CELA2B: variants seen among roughly 807,000 people sequenced by gnomAD.
The protein encoded by CELA2B is chymotrypsin like elastase 2B.
CELA2B carries 27 observed loss-of-function variants against 36.5 expected under a neutral mutation model. The ratio of observed to expected loss-of-function variants is 0.74; its 90% confidence interval spans 0.55 to 1.02. The LOEUF is 1.02. Among genes scored for constraint, CELA2B ranks in the 50% least tolerant of loss-of-function variants. CELA2B has a pLI of 0.00. For missense variants in CELA2B, 340 were observed against 347.8 expected (o/e 0.98, Z 0.18); for synonymous variants, 143 against 148.5 (o/e 0.96, Z 0.27).
At chr1:15,479,113 T>C (rs1245939871) in intron 2 of CELA2B, among the ~76,000 whole-genome samples, 3 of 152,216 alleles carry the variant, frequency 2.0e-5, no homozygotes, top group Non-Finnish European at 4.4e-5. Context: ...TTTCAGCACA[T>C]TTTTAAATTG....
chr1:15,490,191 T>C (rs1167221969), intron 7 of CELA2B, among the ~76,000 whole-genome samples: 2 of 152,048 alleles, frequency 1.3e-5, no homozygotes, highest in Non-Finnish European at 2.9e-5. Context: ...GTTAAAAGCT[T>C]GGTGTGTGGT....
intron 1 of CELA2B, 63 bp downstream of exon 1, chr1:15,476,228 T>C (rs1708667897): frequency 1.2e-6 from 2 of 1,609,980 alleles, no homozygotes; most frequent in Non-Finnish European, 1.7e-6. Flanking sequence ...AATGGGATCT[T>C]CCTGTCCTCC....
chr1:15,484,273 C>G (rs1350597974), intron 5 of CELA2B, among the ~76,000 whole-genome samples: 1 of 152,088 alleles, frequency 6.6e-6, no homozygotes, highest in East Asian at 1.9e-4. Flanking sequence ...TTGACATAGA[C>G]TCCAAGGGTC....
intron 4 of CELA2B, among the ~76,000 whole-genome samples, chr1:15,482,951 C>T (rs1246224231): frequency 2.0e-5 from 3 of 151,792 alleles, no homozygotes; most frequent in African/African-American, 7.3e-5. Flanking sequence ...ACAGGCCCGG[C>T]TAATCTTTTG....
intron 5 of CELA2B, 105 bp downstream of exon 5, chr1:15,483,505 G>T: frequency 6.4e-7 from 1 of 1,553,146 alleles, no homozygotes; most frequent in Non-Finnish European, 8.7e-7. Context: ...GCATGTGGCT[G>T]CCTTGGAGAG....
intron 2 of CELA2B, among the ~76,000 whole-genome samples, chr1:15,479,388 TA>T (rs879418241): frequency 7.8e-4 from 118 of 151,264 alleles, no homozygotes; most frequent in Admixed American, 2.8e-3. Flanking sequence ...CTATTAAAAG[TA>T]AAAAAAATCA....
chr1:15,477,655 G>A lies in CELA2B; in HGVS notation c.129+1110G>A, dbSNP rs571397068. On this transcript the variant is annotated intron_variant, in intron 2 of 7. Coordinates refer to ENST00000375910, the MANE Select transcript of CELA2B (RefSeq NM_015849.3). ...GCAATCTGAGTTACGAGCCCATCCC[G>A]ACTTTTACGACTTTTCCCCCCAATC... is the stretch of plus-strand genomic sequence containing the variant. Among the ~76,000 whole-genome samples, 38 of 152,150 alleles carry A rather than the reference G, an allele frequency of 2.5e-4. 1 individual carries two copies. The South Asian group carries it at 5.6e-3, about 22-fold the overall frequency.
At chr1:15,482,468 T>G in intron 4 of CELA2B, 75 bp downstream of exon 4, 1 of 1,591,956 alleles carries the variant, frequency 6.3e-7, no homozygotes, top group Non-Finnish European at 8.6e-7. Context: ...GGCAAAGGTC[T>G]CAACCCCACC....
At position 15,476,487 on chromosome 1, in the gene CELA2B, C is replaced by CT; in HGVS notation, c.72dup (p.Asp25Ter). On this transcript the variant is annotated frameshift_variant, in exon 2 of 8. Coordinates refer to ENST00000375910, the MANE Select transcript of CELA2B (RefSeq NM_015849.3). LOFTEE classifies it high-confidence loss of function. Reference sequence around the variant, plus strand: ...AGTTGTGGGGTCTCCACTTACGCGCCTGATATGTCTAGGATGCTTGGAGGT... The same window carrying CT: ...AGTTGTGGGGTCTCCACTTACGCGCCTTGATATGTCTAGGATGCTTGGAGGT... 1.2e-6 allele frequency: 2 copies of CT among 1,614,160 alleles called. No individual in the cohort carries two copies. The highest frequency in any genetic ancestry group is 1.7e-6 in the Non-Finnish European group (2 of 1,180,042).
chr1:15,486,056 A>C lies in CELA2B; in HGVS notation c.639+10A>C. 7 of 1,609,908 alleles carry C rather than the reference A, an allele frequency of 4.3e-6. No homozygotes were observed. Among genetic ancestry groups the C allele is most frequent in the Non-Finnish European group, 4.2e-6 (5 of 1,176,784 alleles). On this transcript the variant is annotated intron_variant, in intron 6 of 7. Transcript: ENST00000375910. ...GATATGCACCTGCAACGTGAGTACCAAAAATCAGGGGCCCCGCTCCATGAC... is the reference window on the plus strand; with the variant it reads ...GATATGCACCTGCAACGTGAGTACCCAAAATCAGGGGCCCCGCTCCATGAC...
At chr1:15,476,336 T>C in intron 1 of CELA2B, 121 bp from the exon 2 acceptor site, 1 of 1,384,802 alleles carries the variant, frequency 7.2e-7, no homozygotes, top group Non-Finnish European at 1.0e-6. Flanking sequence ...AAGGATTTTA[T>C]GACCTCTTGG....
rs1708817468 is a variant in CELA2B at position 15,487,342 on chromosome 1, G to A, written c.697G>A (p.Gly233Ser). Reference protein sequence around the residue: ...QASDGRWEVHGIGSLTSVLGC... With the variant: ...QASDGRWEVHSIGSLTSVLGC... ...ATCTGACGGCCGGTGGGAGGTGCAT[G>A]GCATCGGCAGCCTCACGTCGGTCCT... The change falls in exon 7 of 8, where the codon GGC becomes AGC. Residue 233 changes from glycine (G) to serine (S), a missense_variant. Physicochemically the swap from Gly to Ser is moderately conservative, Grantham distance 56. Transcript: ENST00000375910. The A allele has an allele frequency of 6.2e-7, 1 of 1,614,212 alleles. No homozygotes were observed. The highest frequency in any genetic ancestry group is 8.5e-7 in the Non-Finnish European group (1 of 1,180,040).
intron 2 of CELA2B, 130 bp downstream of exon 2, chr1:15,476,675 A>C (rs1171715360): frequency 4.0e-5 from 34 of 843,614 alleles, no homozygotes; most frequent in African/African-American, 6.7e-5. Context: ...GCAGCACAGG[A>C]AACTTCACCA....
rs1491212485 is a variant in CELA2B at position 15,478,217 on chromosome 1, T to TA, written c.129+1672_129+1673insA. ...AGGCTGAGGCATATATATATATATA[T>TA]TGGGATATATAGTTTGTTTGTTTGT... On this transcript the variant is annotated intron_variant, in intron 2 of 7. Transcript: ENST00000375910. Among the ~76,000 whole-genome samples, 256 of 48,506 alleles carry TA rather than the reference T, an allele frequency of 5.3e-3. 2 individuals carry two copies. Among genetic ancestry groups the TA allele is most frequent in the African/African-American group, 0.016 (208 of 13,070 alleles). The allele number at this position is 48,506 out of a possible 152,430, so 31.8% of individuals were successfully genotyped here.
At chr1:15,490,261 T>TCTATATACAC (rs1708864148) in intron 7 of CELA2B, among the ~76,000 whole-genome samples, 1 of 140,608 alleles carries the variant, frequency 7.1e-6, no homozygotes, top group Non-Finnish European at 1.6e-5. Flanking sequence ...TCTATCTATA[T>TCTATATACAC]ACACACACAC....
intron 5 of CELA2B, 48 bp downstream of exon 5, chr1:15,483,448 T>G (rs1368669629): frequency 6.2e-7 from 1 of 1,612,716 alleles, no homozygotes; most frequent in Non-Finnish European, 8.5e-7. Context: ...AGGGAGGTGA[T>G]GTCACCCCTG....
chr1:15,477,363 AATT>A (rs1708685702), intron 2 of CELA2B, among the ~76,000 whole-genome samples: 3 of 152,258 alleles, frequency 2.0e-5, no homozygotes, highest in African/African-American at 7.2e-5. Flanking sequence ...TAACGGTGGG[AATT>A]TCAAAAGAAA....
intron 5 of CELA2B, among the ~76,000 whole-genome samples, chr1:15,485,261 T>C (rs1708790796): frequency 1.3e-5 from 2 of 152,166 alleles, no homozygotes; most frequent in African/African-American, 4.8e-5. Flanking sequence ...TTGCCACTCA[T>C]AGCTGTGGTA....
rs1483966104 is a variant in CELA2B, at chr1:15,481,890, C to A, written c.228-375C>A. On this transcript the variant is annotated intron_variant, in intron 3 of 7. Coordinates refer to ENST00000375910, the MANE Select transcript of CELA2B (RefSeq NM_015849.3). ...CTGATTTCTCACTAACGGTGGGACT[C>A]CGGACCAGTTACTCCTCTCTGGGCC... 1.6e-5 allele frequency: 6 copies of A among 384,158 alleles called. No homozygotes were observed. The East Asian group carries it at 3.7e-4, about 24-fold the overall frequency. The allele number at this position is 384,158 out of a possible 1,614,324, so 23.8% of individuals were successfully genotyped here. A position where few individuals can be genotyped will look rare whatever the true frequency, so the allele number is the denominator to read the frequency against.
Sources: gnomAD v4.1 joint callset for allele counts (sites outside exome capture counted in the v4.1 genomes callset) on GRCh38, gnomAD v4.1.1 for gene constraint, MANE v1.5 for transcripts, NCBI Gene and HGNC (gene_info 2026-07-23, HGNC 2026-07-21) for gene names.